The following CAPN12 variants were observed in gnomAD, a reference collection of about 807,000 sequenced individuals.
The protein encoded by CAPN12 is calpain-12.
Under a neutral mutation model 95.0 loss-of-function variants are expected in CAPN12, and 107 were observed. The ratio of observed to expected loss-of-function variants is 1.13; its 90% CI spans 0.96 to 1.32. The LOEUF (loss-of-function observed/expected upper bound fraction) is 1.32. Among genes scored for constraint, CAPN12 ranks in the 40% most tolerant of loss-of-function variants. The probability of loss-of-function intolerance (pLI) is 0.00; values close to 1 mark genes in which losing one functional copy is unlikely to be tolerated. For synonymous variants in CAPN12, 505 were observed against 415.5 expected (o/e 1.22, Z -2.62); for missense variants, 1,136 against 997.8 (o/e 1.14, Z -1.87).
At chr19:38,737,740 T>A in intron 8 of CAPN12, 102 bp from the exon 9 acceptor site, 1 of 1,370,876 alleles carries the variant, frequency 7.3e-7, no homozygotes, top group Non-Finnish European at 9.7e-7. Flanking sequence ...ATTTCTTAAA[T>A]ATTGTCAAAT....
In CAPN12 at chr19:38,743,950, G is replaced by C; in HGVS notation, c.216C>G (p.Gly72=). ...TTACATGGGGCCTCATCCATTTCAC[G>C]CCTTTGGCCTTCTCCGAGTCCGGCC... ...QLGPDSEKAK[G]VKWMRPHEFC... The change falls in exon 1 of 21, where the codon GGC becomes GGG. Residue 72 remains glycine, a synonymous_variant. Transcript: ENST00000328867. The C allele has an allele frequency of 6.2e-7, 1 of 1,614,106 alleles. No individual in the cohort carries two copies. Among genetic ancestry groups the C allele is most frequent in the Non-Finnish European group, 8.5e-7 (1 of 1,180,004 alleles).
chr19:38,740,448 C>T (rs1464362826), intron 4 of CAPN12, among the ~76,000 whole-genome samples: 1 of 152,090 alleles, frequency 6.6e-6, no homozygotes, highest in Non-Finnish European at 1.5e-5. Flanking sequence ...CTCCTCCCAC[C>T]TCAGCCTCCC....
chr19:38,733,790 G>A lies in CAPN12; in HGVS notation c.1879-9C>T, dbSNP rs745416547. On this transcript the variant is annotated splice_polypyrimidine_tract_variant and intron_variant, in intron 17 of 20. Coordinates refer to ENST00000328867, the MANE Select transcript of CAPN12 (RefSeq NM_144691.4). ...AACTTGTTAAATATGGCCTGGGCAG[G>A]AAGGATGAGTCAGGGCTGCCCTCCA... 3 of 1,610,702 alleles carry A rather than the reference G, an allele frequency of 1.9e-6. No homozygotes were observed. The East Asian group carries it at 6.7e-5, about 36-fold the overall frequency.
chr19:38,733,086 A>C (rs185162152), intron 18 of CAPN12: 1,309 of 123,102 alleles, frequency 0.011, 7 homozygotes, highest in Non-Finnish European at 0.018. Flanking sequence ...ACGACTCCTC[A>C]CCACCCTGTG....
rs367750241 is a variant in CAPN12 at position 38,741,828 on chromosome 19, G to A, written c.509C>T (p.Ser170Leu). 41 of 1,613,946 alleles carry A rather than the reference G, an allele frequency of 2.5e-5. No individual in the cohort carries two copies. Among genetic ancestry groups the A allele is most frequent in the Middle Eastern group, 1.6e-4 (1 of 6,084 alleles). The change falls in exon 4 of 21, where the codon TCG becomes TTG. Residue 170 changes from serine (S) to leucine (L), a missense_variant. Physicochemically the swap from Ser to Leu is moderately radical, Grantham distance 145. Coordinates refer to ENST00000328867, the MANE Select transcript of CAPN12 (RefSeq NM_144691.4). ...VREGKLMFVR[S>L]EQRNEFWAPL... Reference sequence around the variant, plus strand: ...GGCCCAGAACTCATTCCGCTGTTCCGAGCGCACGAACATCAGCTTCCCCTC... The same window carrying A: ...GGCCCAGAACTCATTCCGCTGTTCCAAGCGCACGAACATCAGCTTCCCCTC...
chr19:38,730,984 A>C lies in CAPN12; in HGVS notation c.2114T>G (p.Ile705Ser). ...GCTCACCTGTCTGTGGGTCAGGCAG[A>C]TGACCCCCTCACCCCCATCCAGGTG... The part of the protein sequence containing the change: ...SQHLDGGEGV[I>S]CLTHRQWMEV... Residue 705 changes from isoleucine to serine, a missense_variant, in exon 20 of 21, where the codon ATC becomes AGC. Coordinates refer to ENST00000328867, the MANE Select transcript of CAPN12 (RefSeq NM_144691.4). 5 of 1,551,224 alleles carry C rather than the reference A, an allele frequency of 3.2e-6. No individual in the cohort carries two copies. The highest frequency in any genetic ancestry group is 1.2e-5 in the South Asian group (1 of 84,152).
At chr19:38,734,769 C>G (rs534913483) in intron 15 of CAPN12, 44 bp downstream of exon 15, 55 of 1,583,194 alleles carry the variant, frequency 3.5e-5, no homozygotes, top group Non-Finnish European at 4.8e-5. Context: ...TTGCAGGACC[C>G]CTGGCTAAGA....
In CAPN12 at chr19:38,731,124, TGGGCCACAC is replaced by T; in HGVS notation, c.2048_2056del (p.Cys683_His686delinsTyr). 6.2e-7 allele frequency: 1 copy of T among 1,611,362 alleles called. No individual in the cohort carries two copies. The highest frequency in any genetic ancestry group is 1.7e-5 in the Admixed American group (1 of 59,846). On this transcript the variant is annotated inframe_deletion, in exon 19 of 21. Coordinates refer to ENST00000328867, the MANE Select transcript of CAPN12 (RefSeq NM_144691.4). ...GTACTCACAGAAGATGCAGGTGAGG[TGGGCCACAC>T]AGGACACGAACCGCTCGAAGTCCAC...
At position 38,744,175 on chromosome 19, in the gene CAPN12, G is replaced by A; in HGVS notation, c.-10C>T. On this transcript the variant is annotated 5_prime_UTR_variant, in exon 1 of 21. Coordinates refer to ENST00000328867, the MANE Select transcript of CAPN12 (RefSeq NM_144691.4). ...CACTGCTGGATGCCATCTGGACACT[G>A]GCCTCACAAGCCGGCACCAGGCCCT... 1 of 1,612,904 alleles carries A rather than the reference G, an allele frequency of 6.2e-7. No homozygotes were observed. Among genetic ancestry groups the A allele is most frequent in the Non-Finnish European group, 8.5e-7 (1 of 1,179,424 alleles).
Position 38,734,362 on chromosome 19 carries a change from TC to T in CAPN12, c.1771del (p.Glu591ArgfsTer50). On this transcript the variant is annotated frameshift_variant, in exon 16 of 21. Coordinates refer to ENST00000328867, the MANE Select transcript of CAPN12 (RefSeq NM_144691.4). LOFTEE classifies it high-confidence loss of function. ...PARAHTSTPR[E>X]IGLRTCEQLL... ...CTGCTCACAGGTCCTGAGCCCGATC[TC>T]TCTGGGGGTGGAGGTATGGGCCCTG... 1 of 1,605,634 alleles carries T rather than the reference TC, an allele frequency of 6.2e-7. No homozygotes were observed. Among genetic ancestry groups the T allele is most frequent in the Non-Finnish European group, 8.5e-7 (1 of 1,175,558 alleles).
intron 5 of CAPN12, chr19:38,739,320 G>C (rs1266254475): frequency 1.3e-5 from 2 of 152,086 alleles, no homozygotes; most frequent in African/African-American, 4.9e-5. Flanking sequence ...CATGGTGGCG[G>C]GCGCCTGTAG....
chr19:38,743,998 A>T lies in CAPN12; in HGVS notation c.168T>A (p.Asp56Glu), dbSNP rs1465046178. Reference protein sequence around the residue: ...FRDPYFPAGPDALGYDQLGPD... With the variant: ...FRDPYFPAGPEALGYDQLGPD... ...GCCCCAGCTGGTCATAGCCAAGGGC[A>T]TCAGGGCCAGCAGGGAAGTAAGGGT... Residue 56 changes from aspartate (D) to glutamate (E), a missense_variant, in exon 1 of 21, where the codon GAT (aspartate) becomes GAA (glutamate). Physicochemically the swap from Asp to Glu is conservative, Grantham distance 45. Coordinates refer to ENST00000328867, the MANE Select transcript of CAPN12 (RefSeq NM_144691.4). 1.2e-6 allele frequency: 2 copies of T among 1,614,268 alleles called. No homozygotes were observed. The highest frequency in any genetic ancestry group is 2.2e-5 in the South Asian group (2 of 91,084).
chr19:38,741,465 C>A (rs905242300), intron 4 of CAPN12, among the ~76,000 whole-genome samples: 1 of 151,602 alleles, frequency 6.6e-6, no homozygotes, highest in South Asian at 2.1e-4. Flanking sequence ...CCCAGCTAGT[C>A]GGGAGGCTGA....
intron 5 of CAPN12, 103 bp downstream of exon 5, chr19:38,739,948 T>C (rs1289446505): frequency 8.2e-6 from 10 of 1,226,074 alleles, no homozygotes; most frequent in Non-Finnish European, 9.8e-6. Context: ...CCTAAGCCAG[T>C]AACGGAAGCA....
chr19:38,741,496 C>G (rs1388270595), intron 4 of CAPN12, among the ~76,000 whole-genome samples: 1 of 151,656 alleles, frequency 6.6e-6, no homozygotes, highest in Non-Finnish European at 1.5e-5. Context: ...TCGCTGGAAC[C>G]TGGGAGGCAG....
chr19:38,743,866 G>A, intron 1 of CAPN12, 63 bp downstream of exon 1: 1 of 1,510,354 alleles, frequency 6.6e-7, no homozygotes, highest in Non-Finnish European at 9.1e-7. Context: ...TCAGACCCAG[G>A]AGTCCATGCC....
chr19:38,732,047 C>T (rs1224683407), intron 18 of CAPN12, among the ~76,000 whole-genome samples: 2 of 152,228 alleles, frequency 1.3e-5, no homozygotes, highest in African/African-American at 2.4e-5. Context: ...TGGAAGGACC[C>T]GAGAAGGCGC....
rs113415084 is a variant in CAPN12 at position 38,735,608 on chromosome 19, G to C, written c.1584-64C>G. 27 of 1,557,188 alleles carry C rather than the reference G, an allele frequency of 1.7e-5. No homozygotes were observed. In the African/African-American group the frequency reaches 3.0e-4, roughly 17 times the overall value. ...GCCCCAGCTGGGGCTGTGTGGGACG[G>C]GGTCTCAGGTGAGGAATCGCGTGGG... is the stretch of plus-strand genomic sequence containing the variant. On this transcript the variant is annotated intron_variant, in intron 12 of 20. Coordinates refer to ENST00000328867, the MANE Select transcript of CAPN12 (RefSeq NM_144691.4).
chr19:38,736,786 T>TC (rs557547320), intron 10 of CAPN12: 31 of 611,792 alleles, frequency 5.1e-5, no homozygotes, highest in African/African-American at 4.3e-4. Context: ...GTATCCTTGG[T>TC]CCCCTCTGGC....
Sources: allele counts gnomAD v4.1 joint callset (sites outside exome capture counted in the v4.1 genomes callset), GRCh38; gene constraint gnomAD v4.1.1; transcripts MANE v1.5; gene names NCBI Gene and HGNC (gene_info 2026-07-23, HGNC 2026-07-21).